The following CDKL5 variants were observed in gnomAD, a reference collection of about 807,000 sequenced individuals.
CDKL5 encodes cyclin dependent kinase like 5, also known as cyclin-dependent kinase-like 5.
A neutral mutation model predicts 61.7 loss-of-function variants in CDKL5; 8 were observed. The observed-to-expected ratio is 0.13, with a 90% CI of 0.08 to 0.23. The LOEUF (loss-of-function observed/expected upper bound fraction) is 0.23, where lower values mean the gene tolerates loss of function less well. Ranked by LOEUF, CDKL5 falls within the 10% of genes least tolerant of loss-of-function variation. The pLI is 1.00. For missense variants in CDKL5, 440 were observed against 734.5 expected (o/e 0.60, Z 4.63); for synonymous variants, 275 against 272.3 (o/e 1.01, Z -0.10).
At chrX:18,452,120 A>G (rs1293208481) in intron 1 of CDKL5, among the ~76,000 whole-genome samples, 1 of 111,627 alleles carries the variant, frequency 9.0e-6, no homozygotes, top group African/African-American at 3.3e-5. Flanking sequence ...GTATTAATAG[A>G]TTTTTCATTC....
chrX:18,426,692 T>G (rs773768949), intron 1 of CDKL5: 1 of 112,684 alleles, frequency 8.9e-6, no homozygotes, highest in Non-Finnish European at 1.9e-5. Flanking sequence ...AATGATTTCT[T>G]TCTGTGCATC....
At chrX:18,596,842 C>G (rs1926011707) in intron 10 of CDKL5, among the ~76,000 whole-genome samples, 1 of 112,202 alleles carries the variant, frequency 8.9e-6, no homozygotes, top group Non-Finnish European at 1.9e-5. Flanking sequence ...AGATTAAAAG[C>G]TAGCACAAAT....
At chrX:18,617,407 C>T (rs183192497) in intron 15 of CDKL5, among the ~76,000 whole-genome samples, 48 of 112,252 alleles carry the variant, frequency 4.3e-4, no homozygotes, top group African/African-American at 1.5e-3. Flanking sequence ...CCACTCAGCA[C>T]GAAGCTGCTG....
At chrX:18,533,651 CAGCTCATTTTTT>C (rs1423835836) in intron 3 of CDKL5, among the ~76,000 whole-genome samples, 1 of 111,599 alleles carries the variant, frequency 9.0e-6, no homozygotes, top group African/African-American at 3.3e-5. Flanking sequence ...GAGGGAGCAG[CAGCTCATTTTTT>C]GTCCTGATCT....
chrX:18,566,178 G>A (rs1924963093), intron 4 of CDKL5, among the ~76,000 whole-genome samples: 1 of 111,664 alleles, frequency 9.0e-6, no homozygotes, highest in Non-Finnish European at 1.9e-5. Context: ...ATGAGACAGG[G>A]TCTCACACTG....
intron 3 of CDKL5, among the ~76,000 whole-genome samples, chrX:18,521,168 A>G (rs1247898144): frequency 8.9e-6 from 1 of 112,320 alleles, no homozygotes; most frequent in African/African-American, 3.2e-5. Flanking sequence ...GGTCATTTGT[A>G]TATCTTCTTT....
At position 18,630,969 on chromosome X, in the gene CDKL5, C is replaced by T. The variant is rs1927217462; in HGVS notation, c.*2212C>T. On this transcript the variant is annotated 3_prime_UTR_variant, in exon 18 of 18. Coordinates refer to ENST00000623535, the MANE Select transcript of CDKL5 (RefSeq NM_001323289.2). Reference sequence around the variant, plus strand: ...TACTAGATCTCTACCTTGTATTCCCCCCTTGCAAACCAGAAACTACACTTT... The same window carrying T: ...TACTAGATCTCTACCTTGTATTCCCTCCTTGCAAACCAGAAACTACACTTT... 1.3e-6 allele frequency: 1 copy of T among 742,639 alleles called. No individual in the cohort carries two copies. The highest frequency in any genetic ancestry group is 2.5e-5 in the African/African-American group (1 of 40,312). 61.2% of individuals were successfully genotyped at this position (742,639 alleles called of 1,213,427 possible). A position where few individuals can be genotyped will look rare whatever the true frequency, so the allele number is the denominator to read the frequency against.
intron 1 of CDKL5, among the ~76,000 whole-genome samples, chrX:18,498,533 GT>G (rs1922263454): frequency 9.0e-6 from 1 of 111,455 alleles, no homozygotes; most frequent in African/African-American, 3.3e-5. Context: ...CATGTTTCCA[GT>G]TTTTAGTATT....
chrX:18,614,674 T>C (rs1467776072), intron 15 of CDKL5, among the ~76,000 whole-genome samples: 1 of 112,803 alleles, frequency 8.9e-6, no homozygotes, highest in African/African-American at 3.2e-5. Context: ...TTTGGTGTTC[T>C]TTCTCCATGT....
At chrX:18,603,872 A>G (rs774435403) in intron 11 of CDKL5, 30 bp from the exon 12 acceptor site, 3 of 1,206,734 alleles carry the variant, frequency 2.5e-6, no homozygotes, top group Admixed American at 2.2e-5. Context: ...ATTGAGGGAA[A>G]CTGATATACT....
At chrX:18,626,713 TCTCTCTCTCTCC>T (rs1927063099) in intron 17 of CDKL5, 1 of 41,519 alleles carries the variant, frequency 2.4e-5, no homozygotes, top group African/African-American at 1.2e-4. Context: ...TCTCTCTCTC[TCTCTCTCTCTCC>T]CCCCTCTCTC....
In CDKL5 at chrX:18,632,925, CAT is replaced by C; in HGVS notation, c.*4170_*4171del. 1.3e-6 allele frequency: 1 copy of C among 751,174 alleles called. No homozygotes were observed. The highest frequency in any genetic ancestry group is 1.6e-6 in the Non-Finnish European group (1 of 636,368). The allele number at this position is 751,174 out of a possible 1,213,427, so 61.9% of individuals were successfully genotyped here. On this transcript the variant is annotated 3_prime_UTR_variant, in exon 18 of 18. Transcript: ENST00000623535. ...TAGCCATGTATTATTGAGAATGACT[CAT>C]AGTACAACTTTTTTTCAAAGGCCAG...
At chrX:18,470,801 T>C (rs754860221) in intron 1 of CDKL5, among the ~76,000 whole-genome samples, 170 of 112,073 alleles carry the variant, frequency 1.5e-3, no homozygotes, top group Non-Finnish European at 2.8e-3. Context: ...AAGGCTTTTT[T>C]CTGGAGAGTT....
At chrX:18,504,051 G>A (rs959642000) in intron 1 of CDKL5, among the ~76,000 whole-genome samples, 2 of 111,098 alleles carry the variant, frequency 1.8e-5, no homozygotes, top group Non-Finnish European at 3.8e-5. Flanking sequence ...ACTGTGCCTG[G>A]CTAGGATGTT....
In CDKL5 at chrX:18,525,246, A is replaced by G. The variant is rs932357164; in HGVS notation, c.99+14392A>G. Among the ~76,000 whole-genome samples, 11 of 111,242 alleles carry G rather than the reference A, an allele frequency of 9.9e-5. 1 individual carries two copies. Among genetic ancestry groups the G allele is most frequent in the Admixed American group, 7.6e-4 (8 of 10,470 alleles). On this transcript the variant is annotated intron_variant, in intron 3 of 17. Coordinates refer to ENST00000623535, the MANE Select transcript of CDKL5 (RefSeq NM_001323289.2). ...CCTGAGTTGCAAGGACTACAGGTAC[A>G]TGCCACCACGCCTGGCTAATTTTTA...
At chrX:18,585,796 T>C (rs1569215219) in intron 8 of CDKL5, among the ~76,000 whole-genome samples, 3 of 112,165 alleles carry the variant, frequency 2.7e-5, no homozygotes, top group African/African-American at 9.7e-5. Flanking sequence ...GTGATAATGA[T>C]GACAAGTGCG....
At chrX:18,509,243 A>ACACACACACC (rs1922733807) in intron 2 of CDKL5, among the ~76,000 whole-genome samples, 1 of 97,925 alleles carries the variant, frequency 1.0e-5, no homozygotes, top group African/African-American at 3.6e-5. Flanking sequence ...ACACACACAC[A>ACACACACACC]CACCCCTGTC....
At chrX:18,653,272 G>C (rs1321964186) in intron 21 of CDKL5, among the ~76,000 whole-genome samples, 1 of 111,842 alleles carries the variant, frequency 8.9e-6, no homozygotes, top group Non-Finnish European at 1.9e-5. Flanking sequence ...CGGTGGAAGA[G>C]ACAGAGCTTT....
At chrX:18,651,489 G>A (rs1928047584) in intron 21 of CDKL5, among the ~76,000 whole-genome samples, 1 of 110,890 alleles carries the variant, frequency 9.0e-6, no homozygotes, top group South Asian at 3.8e-4. Flanking sequence ...TTCCCCTGAG[G>A]GGCTGGACTG....
Sources: gnomAD v4.1 joint callset for allele counts (sites outside exome capture counted in the v4.1 genomes callset) on GRCh38, gnomAD v4.1.1 for gene constraint, MANE v1.5 for transcripts, NCBI Gene and HGNC (gene_info 2026-07-23, HGNC 2026-07-21) for gene names.